Variants in HS6ST3 observed in about 807,000 individuals in gnomAD.
The protein encoded by HS6ST3 is heparan sulfate 6-O-sulfotransferase 3.
HS6ST3 carries 12 observed loss-of-function variants against 36.7 expected under a neutral mutation model. The observed-to-expected ratio is 0.33, with a 90% CI of 0.21 to 0.53. HS6ST3 has a LOEUF of 0.53. Among genes scored for constraint, HS6ST3 ranks in the 20% least tolerant of loss-of-function variants. HS6ST3 has a pLI of 0.95. For synonymous variants in HS6ST3, 240 were observed against 257.5 expected (o/e 0.93, Z 0.65); for missense variants, 584 against 640.9 (o/e 0.91, Z 0.96).
intron 1 of HS6ST3, among the ~76,000 whole-genome samples, chr13:96,388,563 A>T (rs528787831): frequency 6.6e-6 from 1 of 152,342 alleles, no homozygotes; most frequent in African/African-American, 2.4e-5. Flanking sequence ...AATTTCTGAC[A>T]ATAAGAAAGG....
intron 1 of HS6ST3, among the ~76,000 whole-genome samples, chr13:96,509,515 T>C (rs2056040380): frequency 6.6e-6 from 1 of 152,204 alleles, no homozygotes; most frequent in Admixed American, 6.5e-5. Context: ...TTGAGTTGAT[T>C]TTTGTATAAG....
At chr13:96,552,315 G>A (rs964009773) in intron 1 of HS6ST3, among the ~76,000 whole-genome samples, 4 of 152,050 alleles carry the variant, frequency 2.6e-5, no homozygotes, top group African/African-American at 9.7e-5. Flanking sequence ...AGGCCTCATT[G>A]TCTTGCATCC....
At chr13:96,481,662 C>G (rs1308192502) in intron 1 of HS6ST3, among the ~76,000 whole-genome samples, 1 of 151,924 alleles carries the variant, frequency 6.6e-6, no homozygotes, top group East Asian at 1.9e-4. Flanking sequence ...GCCGTCCTGC[C>G]CCTCCGCTCT....
intron 1 of HS6ST3, among the ~76,000 whole-genome samples, chr13:96,366,859 C>T (rs947349406): frequency 1.3e-5 from 2 of 152,148 alleles, no homozygotes; most frequent in African/African-American, 4.8e-5. Context: ...CCATACTGTT[C>T]TCATGGTAGT....
chr13:96,764,467 A>G (rs571587766), intron 1 of HS6ST3, among the ~76,000 whole-genome samples: 2 of 152,372 alleles, frequency 1.3e-5, no homozygotes, highest in Admixed American at 1.3e-4. Flanking sequence ...TCTCAAGGTC[A>G]CACTGTAACT....
At chr13:96,106,743 A>T (rs1239748798) in intron 1 of HS6ST3, among the ~76,000 whole-genome samples, 1 of 152,220 alleles carries the variant, frequency 6.6e-6, no homozygotes, top group African/African-American at 2.4e-5. Flanking sequence ...ATCTGATTGC[A>T]TCTCTTTTCT....
rs1566438454 is a variant in HS6ST3 at position 96,722,987 on chromosome 13, A to ATGTGTG, written c.708-109503_708-109502insTGTGTG. On this transcript the variant is annotated intron_variant, in intron 1 of 1. Coordinates refer to ENST00000376705, the MANE Select transcript of HS6ST3 (RefSeq NM_153456.4). ...GCAAGACCCTGTCTCAAAAAAATAT[A>ATGTGTG]CGTGTGTGTGTGTGTGTGTGTGTGT... Among the ~76,000 whole-genome samples, 4 of 122,758 alleles carry ATGTGTG rather than the reference A, an allele frequency of 3.3e-5. No homozygotes were observed. The East Asian group carries it at 8.3e-4, about 25-fold the overall frequency. 80.5% of individuals were successfully genotyped at this position (122,758 alleles called of 152,430 possible).
At chr13:96,107,698 G>T (rs1166478475) in intron 1 of HS6ST3, among the ~76,000 whole-genome samples, 1 of 152,178 alleles carries the variant, frequency 6.6e-6, no homozygotes, top group Non-Finnish European at 1.5e-5. Flanking sequence ...AACATAAATT[G>T]TGAAGATTTC....
chr13:96,549,586 G>C (rs1055140912), intron 1 of HS6ST3, among the ~76,000 whole-genome samples: 1 of 152,096 alleles, frequency 6.6e-6, no homozygotes, highest in Non-Finnish European at 1.5e-5. Flanking sequence ...AAGGTTATCT[G>C]TCCTTTGATT....
rs551277931 is a variant in HS6ST3 at position 96,406,875 on chromosome 13, T to C, written c.707+315306T>C. 2.0e-4 allele frequency among the ~76,000 whole-genome samples: 29 copies of C among 148,252 alleles called. No individual in the cohort carries two copies. The East Asian group carries it at 5.3e-3, about 27-fold the overall frequency. On this transcript the variant is annotated intron_variant, in intron 1 of 1. Coordinates refer to ENST00000376705, the MANE Select transcript of HS6ST3 (RefSeq NM_153456.4). ...GTATAGGAAGTCCCCTGTGTTCTCTTTCCATAATGACCCATTTGATCAACT... is the reference window on the plus strand; with the variant it reads ...GTATAGGAAGTCCCCTGTGTTCTCTCTCCATAATGACCCATTTGATCAACT...
At chr13:96,264,394 C>T (rs1053947498) in intron 1 of HS6ST3, among the ~76,000 whole-genome samples, 1 of 152,170 alleles carries the variant, frequency 6.6e-6, no homozygotes, top group Non-Finnish European at 1.5e-5. Flanking sequence ...AAACCAAGTG[C>T]CAACTTCTCC....
chr13:96,821,672 G>A (rs542854223), intron 1 of HS6ST3, among the ~76,000 whole-genome samples: 1 of 152,248 alleles, frequency 6.6e-6, no homozygotes, highest in South Asian at 2.1e-4. Context: ...TCATTATTGA[G>A]GAGATGACCT....
chr13:96,678,687 A>G (rs1175685558), intron 1 of HS6ST3, among the ~76,000 whole-genome samples: 2 of 152,098 alleles, frequency 1.3e-5, no homozygotes, highest in Admixed American at 1.3e-4. Flanking sequence ...ATCTAAAAAA[A>G]AAACAAAACT....
intron 1 of HS6ST3, among the ~76,000 whole-genome samples, chr13:96,731,097 C>T (rs1271300322): frequency 6.6e-6 from 1 of 152,194 alleles, no homozygotes; most frequent in Admixed American, 6.5e-5. Flanking sequence ...GATGAGAACA[C>T]TTAACATCCA....
intron 1 of HS6ST3, among the ~76,000 whole-genome samples, chr13:96,565,960 T>C (rs2056279654): frequency 6.6e-6 from 1 of 152,000 alleles, no homozygotes; most frequent in Admixed American, 6.6e-5. Context: ...AGGATCAGAA[T>C]AAAAGGTACC....
At chr13:96,719,655 C>T (rs947538866) in intron 1 of HS6ST3, among the ~76,000 whole-genome samples, 6 of 152,130 alleles carry the variant, frequency 3.9e-5, no homozygotes, top group Non-Finnish European at 7.4e-5. Flanking sequence ...GTGATCTGCA[C>T]TCAGCTTTTT....
chr13:96,439,108 C>T (rs1439918343), intron 1 of HS6ST3, among the ~76,000 whole-genome samples: 4 of 151,874 alleles, frequency 2.6e-5, no homozygotes, highest in African/African-American at 7.3e-5. Flanking sequence ...TATATGTGGC[C>T]GCTAGAGATC....
At chr13:96,269,775 A>G (rs2054710673) in intron 1 of HS6ST3, among the ~76,000 whole-genome samples, 1 of 152,036 alleles carries the variant, frequency 6.6e-6, no homozygotes, top group Non-Finnish European at 1.5e-5. Context: ...AGGAAGCAAG[A>G]TGATAAGCAG....
At chr13:96,723,217 G>T (rs931168642) in intron 1 of HS6ST3, among the ~76,000 whole-genome samples, 3 of 152,158 alleles carry the variant, frequency 2.0e-5, no homozygotes, top group Admixed American at 6.5e-5. Context: ...AATGAAAGCA[G>T]AAGTTCTGGG....
Sources: gnomAD v4.1 joint callset for allele counts (sites outside exome capture counted in the v4.1 genomes callset) on GRCh38, gnomAD v4.1.1 for gene constraint, MANE v1.5 for transcripts, NCBI Gene and HGNC (gene_info 2026-07-23, HGNC 2026-07-21) for gene names.